Variants in FAM83G observed in about 807,000 individuals in gnomAD.
The protein encoded by FAM83G is scaffolding CK1 anchoring protein G.
FAM83G carries 38 observed loss-of-function variants against 61.5 expected under a neutral mutation model. The observed-to-expected ratio is 0.62, with a 90% CI of 0.48 to 0.81. The LOEUF is 0.81. Among genes scored for constraint, FAM83G ranks in the 30% least tolerant of loss-of-function variants. FAM83G has a pLI of 0.00. For synonymous variants in FAM83G, 470 were observed against 476.1 expected (o/e 0.99, Z 0.17); for missense variants, 989 against 1,133.6 (o/e 0.87, Z 1.83).
At chr17:18,997,047 C>T (rs2043587409) in intron 2 of FAM83G, among the ~76,000 whole-genome samples, 1 of 152,238 alleles carries the variant, frequency 6.6e-6, no homozygotes, top group Non-Finnish European at 1.5e-5. Flanking sequence ...TTCATCAGCT[C>T]TGTGAACACC....
chr17:18,976,942 T>C, intron 5 of FAM83G: 1 of 1,613,368 alleles, frequency 6.2e-7, no homozygotes, highest in Non-Finnish European at 8.5e-7. Context: ...ATGCTCCCCA[T>C]GGGCCTGATC....
rs1178443891 is a variant in FAM83G at position 18,971,146 on chromosome 17, A to G, written c.*213T>C. On this transcript the variant is annotated 3_prime_UTR_variant, in exon 6 of 6. Coordinates refer to ENST00000388995, the MANE Select transcript of FAM83G (RefSeq NM_001039999.3). The surrounding 1 kb of genome is among the most constrained non-coding windows in gnomAD (Gnocchi z 5.5). ...TGCACATGTTTCGAGACCCCCACAC[A>G]GGGGACCTGCCGTGGACCGGGATGA... 15 of 1,614,006 alleles carry G rather than the reference A, an allele frequency of 9.3e-6. No homozygotes were observed. The highest frequency in any genetic ancestry group is 1.3e-5 in the Non-Finnish European group (15 of 1,180,026).
chr17:18,997,346 G>A (rs530058869), intron 2 of FAM83G, among the ~76,000 whole-genome samples: 30 of 152,242 alleles, frequency 2.0e-4, no homozygotes, highest in Non-Finnish European at 4.3e-4. Flanking sequence ...GACCAAGGCT[G>A]TTCCCTGTGG....
At chr17:18,990,082 G>A (rs1020053685) in intron 2 of FAM83G, among the ~76,000 whole-genome samples, 1 of 152,190 alleles carries the variant, frequency 6.6e-6, no homozygotes, top group Non-Finnish European at 1.5e-5. Context: ...TGGGGCAGAG[G>A]GAGTAGCTGG....
chr17:18,975,399 C>G (rs1292876949), intron 5 of FAM83G, among the ~76,000 whole-genome samples: 4 of 152,180 alleles, frequency 2.6e-5, no homozygotes, highest in Non-Finnish European at 4.4e-5. Flanking sequence ...AAGTTAAAAT[C>G]ACGGAGGCAG....
intron 2 of FAM83G, among the ~76,000 whole-genome samples, chr17:18,994,675 T>G (rs148561495): frequency 6.6e-6 from 1 of 152,044 alleles, no homozygotes; most frequent in Non-Finnish European, 1.5e-5. Context: ...AACACACAGG[T>G]CCTGCAGGGG....
Position 18,978,522 on chromosome 17 carries a change from C to T in FAM83G, c.1144G>A (p.Ala382Thr). 4 of 1,613,298 alleles carry T rather than the reference C, an allele frequency of 2.5e-6. No homozygotes were observed. In the South Asian group the frequency reaches 4.4e-5, roughly 18 times the overall value. ...KPLGLKGPAL[A>T]EHPGELPELL... is the part of the protein sequence containing the mutation. ...TCGGGGAGTTCCCCTGGATGCTCAG[C>T]CAGCGCTGGGCCTTTCAGCCCCAGG... The change falls in exon 5 of 6, where the codon GCT becomes ACT. Residue 382 changes from alanine to threonine, a missense_variant. Coordinates refer to ENST00000388995, the MANE Select transcript of FAM83G (RefSeq NM_001039999.3).
intron 2 of FAM83G, among the ~76,000 whole-genome samples, chr17:19,001,801 G>A (rs748441377): frequency 5.1e-5 from 7 of 137,466 alleles, no homozygotes; most frequent in Non-Finnish European, 1.2e-4. Context: ...ATCGCTGGGC[G>A]GGGGATCTGT....
chr17:18,983,732 C>T (rs2043195346), intron 3 of FAM83G, among the ~76,000 whole-genome samples: 1 of 152,172 alleles, frequency 6.6e-6, no homozygotes, highest in Non-Finnish European at 1.5e-5. Flanking sequence ...CAACACTCAC[C>T]CTGGACTTCT....
intron 3 of FAM83G, among the ~76,000 whole-genome samples, chr17:18,982,405 G>A (rs772985191): frequency 6.6e-6 from 1 of 152,226 alleles, no homozygotes; most frequent in Non-Finnish European, 1.5e-5. Flanking sequence ...GTGCGCAGAG[G>A]TGGAGGATCC....
intron 5 of FAM83G, chr17:18,976,609 C>T (rs955257321): frequency 2.0e-6 from 1 of 507,938 alleles, no homozygotes; most frequent in Non-Finnish European, 3.5e-6. Context: ...CCCCTATTGA[C>T]AGGTCAGGGG....
rs1167004024 is a variant in FAM83G at position 19,004,716 on chromosome 17, G to A, written c.-136C>T. 2.0e-5 allele frequency: 3 copies of A among 151,270 alleles called. No homozygotes were observed. Among genetic ancestry groups the A allele is most frequent in the Non-Finnish European group, 4.4e-5 (3 of 67,634 alleles). 9.4% of individuals were successfully genotyped at this position (151,270 alleles called of 1,614,324 possible). On this transcript the variant is annotated 5_prime_UTR_variant, in exon 1 of 6. Coordinates refer to ENST00000388995, the MANE Select transcript of FAM83G (RefSeq NM_001039999.3). The surrounding 1 kb of genome is among the most constrained non-coding windows in gnomAD (Gnocchi z 5.4). ...CGGCCGGGACTTGCTTACCGAGCGG[G>A]CGCTGGCGGAGCGGGGCGCACACGC...
chr17:18,986,880 C>T (rs931408939), intron 3 of FAM83G, among the ~76,000 whole-genome samples: 2 of 152,244 alleles, frequency 1.3e-5, no homozygotes, highest in African/African-American at 2.4e-5. Flanking sequence ...CCTTTCCACA[C>T]TGGCTCTCTC....
At chr17:18,981,801 C>T (rs1381148043) in intron 3 of FAM83G, among the ~76,000 whole-genome samples, 1 of 152,190 alleles carries the variant, frequency 6.6e-6, no homozygotes, top group Non-Finnish European at 1.5e-5. Flanking sequence ...GGTTTGCACA[C>T]AGCCAGCTCA....
At chr17:18,997,667 T>C (rs761881792) in intron 2 of FAM83G, among the ~76,000 whole-genome samples, 12 of 152,206 alleles carry the variant, frequency 7.9e-5, no homozygotes, top group Non-Finnish European at 1.8e-4. Context: ...CTGAGGCTTC[T>C]AGGCCACCTG....
chr17:18,992,996 C>T (rs770685944), intron 2 of FAM83G, among the ~76,000 whole-genome samples: 2 of 152,218 alleles, frequency 1.3e-5, no homozygotes, highest in Non-Finnish European at 1.5e-5. Flanking sequence ...ACTCTTGAAG[C>T]AGAAGTGCCC....
rs1370367767 is a variant in FAM83G at position 19,004,284 on chromosome 17, G to A, written c.-128-115C>T. On this transcript the variant is annotated intron_variant, in intron 1 of 5. Coordinates refer to ENST00000388995, the MANE Select transcript of FAM83G (RefSeq NM_001039999.3). The surrounding 1 kb of genome is among the most constrained non-coding windows in gnomAD (Gnocchi z 5.4). The stretch of plus-strand genomic sequence containing the variant: ...GCGTGGGAAGGACGGGGCTGGGGCT[G>A]GGGCTGGGAAGATGAGGTGGGGGCA... 1.2e-5 allele frequency: 6 copies of A among 504,724 alleles called. No individual in the cohort carries two copies. The highest frequency in any genetic ancestry group is 1.0e-4 in the African/African-American group (5 of 48,538). 31.3% of individuals were successfully genotyped at this position (504,724 alleles called of 1,614,324 possible).
rs376021450 is a variant in FAM83G at position 18,981,766 on chromosome 17, C to A, written c.691-2093G>T. On this transcript the variant is annotated intron_variant, in intron 3 of 5. Transcript: ENST00000388995. Reference sequence around the variant, plus strand: ...GCCTCTGCTCCCAGGGCCGCCCTCGCCGGCCCCCCACCCCGCAGGCTGCAG... The same window carrying A: ...GCCTCTGCTCCCAGGGCCGCCCTCGACGGCCCCCCACCCCGCAGGCTGCAG... 8.5e-5 allele frequency among the ~76,000 whole-genome samples: 13 copies of A among 152,344 alleles called. No homozygotes were observed. In the East Asian group the frequency reaches 1.2e-3, roughly 14 times the overall value.
intron 3 of FAM83G, among the ~76,000 whole-genome samples, chr17:18,985,345 C>A (rs2043243776): frequency 6.6e-6 from 1 of 152,208 alleles, no homozygotes; most frequent in South Asian, 2.1e-4. Context: ...GCAGGTGGCA[C>A]AGCTGGGGCT....
Sources: allele counts gnomAD v4.1 joint callset (sites outside exome capture counted in the v4.1 genomes callset), GRCh38; gene constraint gnomAD v4.1.1; non-coding constraint Gnocchi (gnomAD v3.1); transcripts MANE v1.5; gene names NCBI Gene and HGNC (gene_info 2026-07-23, HGNC 2026-07-21).